The following COX7B2 variants were observed in gnomAD, a reference collection of about 807,000 sequenced individuals.
COX7B2 encodes cytochrome c oxidase subunit 7B2, mitochondrial.
For synonymous variants in COX7B2, 37 were observed against 32.1 expected (o/e 1.15, Z -0.51); for missense variants, 109 against 95.9 (o/e 1.14, Z -0.57).
At chr4:46,876,157 C>A (rs745306666) in intron 1 of COX7B2, among the ~76,000 whole-genome samples, 2 of 151,954 alleles carry the variant, frequency 1.3e-5, no homozygotes, top group Non-Finnish European at 2.9e-5. Flanking sequence ...TTAAAAAGAA[C>A]AAAAGGTTTT....
At chr4:46,813,944 G>T (rs910502393) in intron 2 of COX7B2, among the ~76,000 whole-genome samples, 2 of 151,988 alleles carry the variant, frequency 1.3e-5, no homozygotes, top group African/African-American at 4.8e-5. Flanking sequence ...GTTCAATATC[G>T]CTAATCCTCA....
Position 46,907,848 on chromosome 4 carries a change from CTTTTTTTTTTTTT to C in COX7B2, c.-105+1299_-105+1311del, listed in dbSNP as rs35024713. On this transcript the variant is annotated intron_variant, in intron 1 of 2. Transcript: ENST00000355591. ...TATAAAAGATCAGAATTTGAGCAGACTTTTTTTTTTTTTTTTTTTTTTTTGAGACGGAGTCTCT... is the reference window on the plus strand; with the variant it reads ...TATAAAAGATCAGAATTTGAGCAGACTTTTTTTTTTTGAGACGGAGTCTCT... 3.9e-3 allele frequency among the ~76,000 whole-genome samples: 233 copies of C among 59,726 alleles called. 3 individuals are homozygous for C. Among genetic ancestry groups the C allele is most frequent in the Middle Eastern group, 0.018 (1 of 56 alleles). 39.2% of individuals were successfully genotyped at this position (59,726 alleles called of 152,430 possible).
At chr4:46,848,846 C>A (rs2109773418) in intron 1 of COX7B2, among the ~76,000 whole-genome samples, 1 of 151,942 alleles carries the variant, frequency 6.6e-6, no homozygotes, top group South Asian at 2.1e-4. Flanking sequence ...GTTCCAGGAC[C>A]TCCCTTGGAT....
chr4:46,816,681 A>G (rs1367744415), intron 2 of COX7B2, among the ~76,000 whole-genome samples: 1 of 152,228 alleles, frequency 6.6e-6, no homozygotes, highest in African/African-American at 2.4e-5. Context: ...CCACAGGCAG[A>G]AAAACAATCT....
chr4:46,799,236 G>C (rs1221033180), intron 2 of COX7B2, among the ~76,000 whole-genome samples: 4 of 152,080 alleles, frequency 2.6e-5, no homozygotes, highest in African/African-American at 9.7e-5. Context: ...TACTAAAGTT[G>C]TTTATCCGAT....
intron 2 of COX7B2, among the ~76,000 whole-genome samples, chr4:46,740,373 T>G (rs1410863471): frequency 6.6e-6 from 1 of 152,098 alleles, no homozygotes; most frequent in East Asian, 1.9e-4. Context: ...TTTGTTTCAT[T>G]TTTTATTTGA....
intron 2 of COX7B2, among the ~76,000 whole-genome samples, chr4:46,772,855 G>A (rs1003586174): frequency 3.3e-5 from 5 of 152,256 alleles, no homozygotes; most frequent in Middle Eastern, 3.4e-3. Flanking sequence ...ACCTATTTCC[G>A]TTAAGTAGAC....
intron 2 of COX7B2, among the ~76,000 whole-genome samples, chr4:46,793,328 G>T (rs1718147501): frequency 6.6e-6 from 1 of 152,080 alleles, no homozygotes; most frequent in Non-Finnish European, 1.5e-5. Context: ...CATGTCTCTG[G>T]TTGGGGAGGA....
At position 46,735,176 on chromosome 4, in the gene COX7B2, G is replaced by A. The variant is rs200964160; in HGVS notation, c.17C>T (p.Ala6Val). ...CTTGAGACTGCTTAGTGCATTTCTG[G>A]CCAAGGGAAACATCATGAAGGATTG... is the stretch of plus-strand genomic sequence containing the variant. The part of the protein sequence containing the change: MMFPL[A>V]RNALSSLKIQ... The change falls in exon 3 of 3, where the codon GCC becomes GTC. Residue 6 changes from alanine to valine, a missense_variant. Ala to Val is a moderately conservative substitution (Grantham distance 64, BLOSUM62 0). Transcript: ENST00000355591. 6.2e-7 allele frequency: 1 copy of A among 1,613,186 alleles called. No homozygotes were observed. The highest frequency in any genetic ancestry group is 1.3e-5 in the African/African-American group (1 of 74,988).
chr4:46,868,842 T>A (rs1212474931), intron 1 of COX7B2, among the ~76,000 whole-genome samples: 1 of 152,202 alleles, frequency 6.6e-6, no homozygotes, highest in Non-Finnish European at 1.5e-5. Flanking sequence ...AGAATGTGTA[T>A]TCTGTTGGTT....
intron 2 of COX7B2, among the ~76,000 whole-genome samples, chr4:46,765,380 C>T (rs569787543): frequency 3.9e-4 from 59 of 152,104 alleles, no homozygotes; most frequent in Non-Finnish European, 4.7e-4. Flanking sequence ...AGCATGTGTA[C>T]GCCAGTGAAT....
chr4:46,807,852 TG>T (rs1719083088), intron 2 of COX7B2, among the ~76,000 whole-genome samples: 1 of 151,932 alleles, frequency 6.6e-6, no homozygotes. Flanking sequence ...GGTTTATTTC[TG>T]GGGTCTCTAT....
intron 2 of COX7B2, among the ~76,000 whole-genome samples, chr4:46,785,184 T>C (rs1401583207): frequency 6.6e-6 from 1 of 152,204 alleles, no homozygotes; most frequent in African/African-American, 2.4e-5. Context: ...TCTCGTGTAC[T>C]GACAAATCAG....
chr4:46,762,559 C>T (rs1459503080), intron 2 of COX7B2, among the ~76,000 whole-genome samples: 1 of 146,434 alleles, frequency 6.8e-6, no homozygotes, highest in Non-Finnish European at 1.5e-5. Context: ...TTAGTATATG[C>T]AATGAAAATT....
At chr4:46,768,265 A>G (rs1716664518) in intron 2 of COX7B2, among the ~76,000 whole-genome samples, 1 of 152,146 alleles carries the variant, frequency 6.6e-6, no homozygotes, top group East Asian at 1.9e-4. Flanking sequence ...CAGGATGGGG[A>G]GCTGGAAAGG....
chr4:46,857,745 CAG>C (rs1347215930), intron 1 of COX7B2, among the ~76,000 whole-genome samples: 1 of 152,138 alleles, frequency 6.6e-6, no homozygotes, highest in Non-Finnish European at 1.5e-5. Context: ...GATCAAAACA[CAG>C]AGTTTTCAGA....
intron 2 of COX7B2, among the ~76,000 whole-genome samples, chr4:46,758,019 T>A (rs1229328204): frequency 1.3e-5 from 2 of 152,040 alleles, no homozygotes; most frequent in Non-Finnish European, 2.9e-5. Context: ...GCTACAATAC[T>A]TTATGGTAAT....
intron 2 of COX7B2, among the ~76,000 whole-genome samples, chr4:46,803,821 C>A (rs1358367014): frequency 1.3e-5 from 2 of 151,254 alleles, no homozygotes; most frequent in African/African-American, 2.4e-5. Flanking sequence ...CCGTCCCCAA[C>A]CTAATATTTT....
rs957375732 is a variant in COX7B2 at position 46,765,414 on chromosome 4, C to T, written c.-49-30173G>A. 2.0e-5 allele frequency among the ~76,000 whole-genome samples: 3 copies of T among 152,270 alleles called. No individual in the cohort carries two copies. The East Asian group carries it at 5.8e-4, about 29-fold the overall frequency. ...ATCCTAGTACTAGACCAGCCGCAGG[C>T]ACCAGGTCAACACTGGTGAACTCTG... On this transcript the variant is annotated intron_variant, in intron 2 of 2. Coordinates refer to ENST00000355591, the MANE Select transcript of COX7B2 (RefSeq NM_130902.3).
Sources: allele counts gnomAD v4.1 joint callset (sites outside exome capture counted in the v4.1 genomes callset), GRCh38; gene constraint gnomAD v4.1.1; transcripts MANE v1.5; gene names NCBI Gene and HGNC (gene_info 2026-07-23, HGNC 2026-07-21).